The following ANKS1A variants were observed in gnomAD, a reference collection of about 807,000 sequenced individuals.
ANKS1A encodes the protein ankyrin repeat and sterile alpha motif domain containing 1A.
A neutral mutation model predicts 120.3 loss-of-function variants in ANKS1A; 55 were observed. That is an observed-to-expected ratio of 0.46 (90% confidence interval 0.37 to 0.57). The LOEUF is 0.57. ANKS1A is among the 20% of genes least tolerant of loss of function. The probability of loss-of-function intolerance (pLI) is 0.00; values close to 1 mark genes in which losing one functional copy is unlikely to be tolerated. For missense variants in ANKS1A, 1,123 were observed against 1,480.3 expected, an observed-to-expected ratio of 0.76 and a Z score of 3.96; for synonymous variants, 590 against 604.7, an observed-to-expected ratio of 0.98 and a Z score of 0.36.
chr6:34,965,263 G>A (rs1221103335), intron 1 of ANKS1A, among the ~76,000 whole-genome samples: 1 of 151,812 alleles, frequency 6.6e-6, no homozygotes, highest in Admixed American at 6.6e-5. Flanking sequence ...TTATTACATA[G>A]CAATGTAACT....
At chr6:35,061,618 T>G (rs1776509186) in intron 13 of ANKS1A, among the ~76,000 whole-genome samples, 1 of 152,238 alleles carries the variant, frequency 6.6e-6, no homozygotes, top group South Asian at 2.1e-4. Flanking sequence ...GGGCAAAAGA[T>G]ACTGTGGTGT....
intron 2 of ANKS1A, among the ~76,000 whole-genome samples, chr6:34,968,039 G>C (rs1408760021): frequency 6.6e-6 from 1 of 151,952 alleles, no homozygotes; most frequent in African/African-American, 2.4e-5. Flanking sequence ...GCTGTCTTCT[G>C]TTTCAATAGT....
At chr6:35,096,685 C>T in the ANKS1A span, among the ~76,000 whole-genome samples, 82 of 152,274 alleles carry the variant, frequency 5.4e-4, no homozygotes, top group African/African-American at 1.4e-3. Context: ...CCAGTCCAGA[C>T]GCCTGACATT....
intron 8 of ANKS1A, among the ~76,000 whole-genome samples, chr6:34,988,138 G>A (rs1450755878): frequency 6.6e-6 from 1 of 152,220 alleles, no homozygotes; most frequent in Non-Finnish European, 1.5e-5. Context: ...GCAAACGACA[G>A]TCCACAAGCG....
chr6:35,018,534 A>G (rs748330669), intron 11 of ANKS1A, among the ~76,000 whole-genome samples: 6 of 151,478 alleles, frequency 4.0e-5, no homozygotes, highest in Non-Finnish European at 7.4e-5. Flanking sequence ...TCTTTTTTAT[A>G]TATATAATTT....
At chr6:35,039,192 CTTTTTTTTT>C (rs35565672) in intron 11 of ANKS1A, among the ~76,000 whole-genome samples, 1 of 83,802 alleles carries the variant, frequency 1.2e-5, no homozygotes, top group South Asian at 4.6e-4. Context: ...CTCCCTCATA[CTTTTTTTTT>C]TTTTTTTTTT....
chr6:34,925,190 T>C (rs948330961), intron 1 of ANKS1A, among the ~76,000 whole-genome samples: 3 of 152,240 alleles, frequency 2.0e-5, no homozygotes, highest in African/African-American at 7.2e-5. Flanking sequence ...CTTAGTAGGC[T>C]TTTTCTTTCT....
At chr6:35,075,604 C>T (rs1450173961) in intron 13 of ANKS1A, among the ~76,000 whole-genome samples, 2 of 151,908 alleles carry the variant, frequency 1.3e-5, no homozygotes, top group South Asian at 2.1e-4. Flanking sequence ...TTAGTAGAGA[C>T]GGGGTTTCAC....
chr6:35,068,184 G>A (rs1776878045), intron 13 of ANKS1A, among the ~76,000 whole-genome samples: 1 of 152,130 alleles, frequency 6.6e-6, no homozygotes, highest in Non-Finnish European at 1.5e-5. Context: ...GTGAGCCACC[G>A]CACCTGGCCT....
At chr6:34,980,408 A>G (rs1487853335) in intron 3 of ANKS1A, among the ~76,000 whole-genome samples, 1 of 152,214 alleles carries the variant, frequency 6.6e-6, no homozygotes, top group Non-Finnish European at 1.5e-5. Context: ...GCAGCTGTGG[A>G]TCTTTCTGGT....
At chr6:34,997,695 T>C (rs527621257) in intron 10 of ANKS1A, among the ~76,000 whole-genome samples, 20 of 152,348 alleles carry the variant, frequency 1.3e-4, no homozygotes, top group Admixed American at 5.2e-4. Context: ...AGTTCTTTCT[T>C]TCTTTCATTC....
At position 34,920,407 on chromosome 6, in the gene ANKS1A, G is replaced by A. The variant is rs147979625; in HGVS notation, c.197+30808G>A. Among the ~76,000 whole-genome samples the A allele has an allele frequency of 2.5e-3, 386 of 151,532 alleles. 1 individual carries two copies. The highest frequency in any genetic ancestry group is 8.6e-3 in the African/African-American group (356 of 41,308). On this transcript the variant is annotated intron_variant, in intron 1 of 23. Coordinates refer to ENST00000360359, the MANE Select transcript of ANKS1A (RefSeq NM_015245.3). ...ATTTTTAAATTTTTTGTAGAGATGG[G>A]GGTCTTGCTCTGTTGCCCAGGCTGG...
chr6:34,953,773 G>A (rs1004582106), intron 1 of ANKS1A, among the ~76,000 whole-genome samples: 20 of 152,148 alleles, frequency 1.3e-4, no homozygotes, highest in African/African-American at 4.1e-4. Context: ...GGGGGCACAA[G>A]ACAGGCACAG....
At chr6:35,027,220 G>GT (rs1353954901) in intron 11 of ANKS1A, among the ~76,000 whole-genome samples, 2 of 152,214 alleles carry the variant, frequency 1.3e-5, no homozygotes, top group African/African-American at 4.8e-5. Flanking sequence ...GGCAGGGAAG[G>GT]TGAGTTGAGG....
chr6:34,937,003 C>G (rs1179128810), intron 1 of ANKS1A, among the ~76,000 whole-genome samples: 1 of 152,146 alleles, frequency 6.6e-6, no homozygotes. Context: ...TAGAAAGATA[C>G]ATACATGTTA....
At chr6:35,063,673 C>T (rs931336013) in intron 13 of ANKS1A, among the ~76,000 whole-genome samples, 12 of 152,208 alleles carry the variant, frequency 7.9e-5, no homozygotes, top group African/African-American at 2.9e-4. Context: ...CCGGGGGCTT[C>T]ATTTTCCTCT....
At chr6:34,968,870 A>G (rs915864921) in intron 2 of ANKS1A, among the ~76,000 whole-genome samples, 20 of 152,224 alleles carry the variant, frequency 1.3e-4, no homozygotes, top group Middle Eastern at 3.2e-3. Flanking sequence ...ATTGACTCCA[A>G]CATACCAAAA....
Position 35,052,380 on chromosome 6 carries a change from G to C in ANKS1A, c.2011-1719G>C, listed in dbSNP as rs1305199103. On this transcript the variant is annotated intron_variant, in intron 11 of 23. Transcript: ENST00000360359. ...GTGGGTGGATCACTTGGGCTCAGGA[G>C]GTCAAGGTTGCAGTGAGCCGTGATC... Among the ~76,000 whole-genome samples, 5 of 151,908 alleles carry C rather than the reference G, an allele frequency of 3.3e-5. No homozygotes were observed. The South Asian group carries it at 1.0e-3, about 32-fold the overall frequency.
At chr6:35,039,429 T>G in intron 11 of ANKS1A, 1 of 369,350 alleles carries the variant, frequency 2.7e-6, no homozygotes, top group Non-Finnish European at 5.4e-6. Flanking sequence ...ACTCCCGACC[T>G]CAGGTGATCC....
Sources: allele counts gnomAD v4.1 joint callset (sites outside exome capture counted in the v4.1 genomes callset), GRCh38; gene constraint gnomAD v4.1.1; transcripts MANE v1.5; gene names NCBI Gene and HGNC (gene_info 2026-07-23, HGNC 2026-07-21).